OR11H4: variants seen among roughly 807,000 people sequenced by gnomAD.
OR11H4 encodes olfactory receptor family 11 subfamily H member 4, also known as olfactory receptor 11H4.
For synonymous variants in OR11H4, 162 were observed against 142.3 expected, an observed-to-expected ratio of 1.14 and a Z score of -0.98; for missense variants, 460 against 371.1, an observed-to-expected ratio of 1.24 and a Z score of -1.97.
rs539050345 is a variant in OR11H4 at position 20,243,975 on chromosome 14, G to A, written c.*209G>A. The A allele has an allele frequency of 2.3e-6, 1 of 430,964 alleles. No homozygotes were observed. The highest frequency in any genetic ancestry group is 3.6e-5 in the East Asian group (1 of 28,056). 26.7% of individuals were successfully genotyped at this position (430,964 alleles called of 1,614,324 possible). ...ATCCACTTAAAAGTTTTCAAAGCCT[G>A]TCTTTATTAGAATGATAAAATGGAA... On this transcript the variant is annotated 3_prime_UTR_variant, in exon 2 of 2. Transcript: ENST00000641082.
At chr14:20,241,678 G>A (rs1052590290) in intron 1 of OR11H4, among the ~76,000 whole-genome samples, 1 of 152,104 alleles carries the variant, frequency 6.6e-6, no homozygotes, top group Non-Finnish European at 1.5e-5. Flanking sequence ...CAGGGGACCG[G>A]TACTCAGCAC....
At chr14:20,239,971 A>G (rs1475278993) in intron 1 of OR11H4, among the ~76,000 whole-genome samples, 1 of 152,036 alleles carries the variant, frequency 6.6e-6, no homozygotes, top group Non-Finnish European at 1.5e-5. Flanking sequence ...TCATTCCATT[A>G]CTTATCTACA....
rs758393992 is a variant in OR11H4, at chr14:20,243,788, C to G, written c.*22C>G. 6.5e-7 allele frequency: 1 copy of G among 1,545,926 alleles called. No homozygotes were observed. The highest frequency in any genetic ancestry group is 2.3e-5 in the East Asian group (1 of 44,384). ...GTGAGCCAAAGATGTGCCATACTTA[C>G]AAGTTCTAACGAAGAACAAGGTCGA... is the stretch of plus-strand genomic sequence containing the variant. On this transcript the variant is annotated 3_prime_UTR_variant, in exon 2 of 2. Transcript: ENST00000641082.
At position 20,243,421 on chromosome 14, in the gene OR11H4, T is replaced by C. The variant is rs780886413; in HGVS notation, c.600T>C (p.Tyr200=). The C allele has an allele frequency of 1.4e-5, 22 of 1,613,918 alleles. No individual in the cohort carries two copies. The highest frequency in any genetic ancestry group is 1.8e-5 in the Non-Finnish European group (21 of 1,179,860). ...CTCCCATAACTGAATGTATTTTCTA[T>C]ACTCAGAGCTCCCTTGTCCTCTTTT... ...APAPITECIF[Y]TQSSLVLFFT... The change falls in exon 2 of 2, where the codon TAT becomes TAC. Residue 200 remains tyrosine (Y), a synonymous_variant. Coordinates refer to ENST00000641082, the MANE Select transcript of OR11H4 (RefSeq NM_001004479.2).
Position 20,242,791 on chromosome 14 carries a change from C to A in OR11H4, c.-11-20C>A. On this transcript the variant is annotated intron_variant, in intron 1 of 1. Transcript: ENST00000641082. ...CACTCCAAGAGACTTGGATTACACT[C>A]ATGTCTTTCTTCTTTGTAGACTTAA... 1.2e-6 allele frequency: 2 copies of A among 1,609,106 alleles called. No homozygotes were observed. Among genetic ancestry groups the A allele is most frequent in the South Asian group, 2.2e-5 (2 of 90,070 alleles).
Position 20,243,877 on chromosome 14 carries a change from T to C in OR11H4, c.*111T>C. 1 of 1,082,216 alleles carries C rather than the reference T, an allele frequency of 9.2e-7. No homozygotes were observed. 67.0% of individuals were successfully genotyped at this position (1,082,216 alleles called of 1,614,324 possible). ...CTGAGTAGTTAGAGGTTGTATATTT[T>C]ACCTGGAAGTGTGCCCAGCTTAAAT... On this transcript the variant is annotated 3_prime_UTR_variant, in exon 2 of 2. Coordinates refer to ENST00000641082, the MANE Select transcript of OR11H4 (RefSeq NM_001004479.2).
intron 1 of OR11H4, among the ~76,000 whole-genome samples, chr14:20,239,779 A>G (rs1361991499): frequency 6.6e-6 from 1 of 152,166 alleles, no homozygotes; most frequent in Non-Finnish European, 1.5e-5. Context: ...CAGGAGAAAC[A>G]GTATGTTTGT....
In OR11H4 at chr14:20,243,250, G is replaced by A. The variant is rs376947566; in HGVS notation, c.429G>A (p.Lys143=). Residue 143 remains lysine, a synonymous_variant, in exon 2 of 2, where the codon AAG becomes AAA. Transcript: ENST00000641082. Reference sequence around the variant, plus strand: ...TCATGACTGTAAGGTTCTGTGGTAAGCTGGTGTCTTTCTGTTGGCTTATTG... The same window carrying A: ...TCATGACTGTAAGGTTCTGTGGTAAACTGGTGTCTTTCTGTTGGCTTATTG... ...PAIMTVRFCG[K]LVSFCWLIGF... 3 of 1,614,148 alleles carry A rather than the reference G, an allele frequency of 1.9e-6. No individual in the cohort carries two copies. The highest frequency in any genetic ancestry group is 2.5e-6 in the Non-Finnish European group (3 of 1,180,038).
At chr14:20,241,169 A>T (rs923818144) in intron 1 of OR11H4, among the ~76,000 whole-genome samples, 4 of 152,194 alleles carry the variant, frequency 2.6e-5, no homozygotes, top group African/African-American at 9.7e-5. Context: ...AAATTTTTGT[A>T]TAGAAAACAT....
chr14:20,243,302 TTC>T lies in OR11H4; in HGVS notation c.483_484del (p.Phe161LeufsTer11). 6.2e-7 allele frequency: 1 copy of T among 1,614,152 alleles called. No individual in the cohort carries two copies. The highest frequency in any genetic ancestry group is 8.5e-7 in the Non-Finnish European group (1 of 1,180,008). On this transcript the variant is annotated frameshift_variant, in exon 2 of 2. Coordinates refer to ENST00000641082, the MANE Select transcript of OR11H4 (RefSeq NM_001004479.2). LOFTEE classifies it low-confidence loss of function (END_TRUNC). ...ATTCCTTGGATACCCAATTCCCATT[TTC>T]TACATCTCCCAACTCCCCTTCTGTG... Reference protein sequence around the residue: ...IGFLGYPIPIFYISQLPFCGP... With the variant: ...IGFLGYPIPIXYISQLPFCGP...
chr14:20,242,720 C>G, intron 1 of OR11H4, 91 bp from the exon 2 acceptor site: 1 of 1,442,068 alleles, frequency 6.9e-7, no homozygotes, highest in South Asian at 1.3e-5. Flanking sequence ...ACCTCAAGTT[C>G]TCGTCTCAGT....
intron 1 of OR11H4, among the ~76,000 whole-genome samples, chr14:20,240,028 C>CT (rs1387082549): frequency 6.6e-6 from 1 of 152,118 alleles, no homozygotes; most frequent in African/African-American, 2.4e-5. Context: ...TAATAAAGCA[C>CT]TTGCAGAGTA....
rs1484448171 is a variant in OR11H4 at position 20,243,209 on chromosome 14, C to A, written c.388C>A (p.Leu130Met). ...YDRYLAICHP[L>M]QYPAIMTVRF... is the part of the protein sequence containing the mutation. ...TCGATACCTGGCCATCTGCCACCCA[C>A]TGCAGTACCCTGCCATCATGACTGT... Residue 130 changes from leucine to methionine, a missense_variant, in exon 2 of 2, where the codon CTG becomes ATG. Leu to Met is a conservative substitution (Grantham distance 15). Transcript: ENST00000641082. The A allele has an allele frequency of 6.2e-7, 1 of 1,614,136 alleles. No homozygotes were observed. The highest frequency in any genetic ancestry group is 8.5e-7 in the Non-Finnish European group (1 of 1,179,978).
In OR11H4 at chr14:20,243,460, C is replaced by T; in HGVS notation, c.639C>T (p.Tyr213=). The stretch of plus-strand genomic sequence containing the variant: ...TTGTCCTCTTTTTCACTAGTATGTA[C>T]ATTCTTCGATCCTATATCCTGTTAC... The part of the protein sequence containing the change: ...SSLVLFFTSM[Y]ILRSYILLLT... The change falls in exon 2 of 2, where the codon TAC becomes TAT. Residue 213 remains tyrosine, a synonymous_variant. Transcript: ENST00000641082. 3.1e-6 allele frequency: 5 copies of T among 1,613,810 alleles called. No individual in the cohort carries two copies. The highest frequency in any genetic ancestry group is 2.2e-5 in the East Asian group (1 of 44,886).
At chr14:20,241,953 C>A (rs1264639922) in intron 1 of OR11H4, among the ~76,000 whole-genome samples, 1 of 152,070 alleles carries the variant, frequency 6.6e-6, no homozygotes, top group Admixed American at 6.6e-5. Context: ...AGCATTACTG[C>A]CAACATGTCT....
In OR11H4 at chr14:20,242,867, G is replaced by A. The variant is rs142371451; in HGVS notation, c.46G>A (p.Gly16Arg). The change falls in exon 2 of 2, where the codon GGA becomes AGA. Residue 16 changes from glycine (G) to arginine (R), a missense_variant. Physicochemically the swap from Gly to Arg is moderately radical, Grantham distance 125. Transcript: ENST00000641082. Reference protein sequence around the residue: ...THIVTEFILLGFPGCWKIQIF... With the variant: ...THIVTEFILLRFPGCWKIQIF... ...CATCGTGACAGAGTTTATTCTCCTGGGATTCCCTGGTTGCTGGAAGATTCA... is the reference window on the plus strand; with the variant it reads ...CATCGTGACAGAGTTTATTCTCCTGAGATTCCCTGGTTGCTGGAAGATTCA... 2.8e-4 allele frequency: 452 copies of A among 1,613,920 alleles called. No homozygotes were observed. The highest frequency in any genetic ancestry group is 3.8e-4 in the Non-Finnish European group (443 of 1,179,970).
chr14:20,241,337 CTATTT>C (rs1880913439), intron 1 of OR11H4, among the ~76,000 whole-genome samples: 1 of 151,730 alleles, frequency 6.6e-6, no homozygotes, highest in Admixed American at 6.6e-5. Context: ...AGCAGTCAAT[CTATTT>C]TGTTTTGTTC....
chr14:20,242,683 C>T (rs1310495460), intron 1 of OR11H4, 128 bp from the exon 2 acceptor site: 4 of 1,069,418 alleles, frequency 3.7e-6, no homozygotes, highest in African/African-American at 3.2e-5. Flanking sequence ...CACCTGGTCT[C>T]AGATTATCTC....
rs997406640 is a variant in OR11H4 at position 20,243,729 on chromosome 14, A to G, written c.908A>G (p.Asn303Ser). Residue 303 changes from asparagine (N) to serine (S), a missense_variant, in exon 2 of 2, where the codon AAT (asparagine) becomes AGT (serine). By Grantham distance (46) the Asn-to-Ser change is conservative (BLOSUM62 1). Coordinates refer to ENST00000641082, the MANE Select transcript of OR11H4 (RefSeq NM_001004479.2). ...AAGGACATGAAACTCGCTCTGAGAA[A>G]TGTCCTGTTTGGAATGAGAATTCGT... ...RNKDMKLALR[N>S]VLFGMRIRQN... 6.3e-7 allele frequency: 1 copy of G among 1,596,244 alleles called. No individual in the cohort carries two copies. The highest frequency in any genetic ancestry group is 8.5e-7 in the Non-Finnish European group (1 of 1,171,496).
Sources: gnomAD v4.1 joint callset for allele counts (sites outside exome capture counted in the v4.1 genomes callset) on GRCh38, gnomAD v4.1.1 for gene constraint, MANE v1.5 for transcripts, NCBI Gene and HGNC (gene_info 2026-07-23, HGNC 2026-07-21) for gene names.